PRDM5: variants seen among roughly 807,000 people sequenced by gnomAD.
The protein encoded by PRDM5 is PR/SET domain 5.
PRDM5 carries 56 observed loss-of-function variants against 81.2 expected under a neutral mutation model. The observed-to-expected ratio is 0.69, with a 90% CI of 0.56 to 0.86. The LOEUF (loss-of-function observed/expected upper bound fraction) is 0.86. PRDM5 is among the 40% of genes least tolerant of loss of function. The pLI is 0.00. For synonymous variants in PRDM5, 267 were observed against 256.4 expected (o/e 1.04, Z -0.39); for missense variants, 697 against 770.1 (o/e 0.91, Z 1.12).
At chr4:120,798,144 T>A (rs2149282449) in intron 10 of PRDM5, 123 bp downstream of exon 10, 1 of 636,886 alleles carries the variant, frequency 1.6e-6, no homozygotes, top group East Asian at 3.1e-5. Flanking sequence ...AGGTGAGTGA[T>A]CTTCTCTAGT....
At position 120,799,041 on chromosome 4, in the gene PRDM5, A is replaced by G. The variant is rs540031951; in HGVS notation, c.1031-617T>C. ...CATATTCAAAAACATTCTGACTTCA[A>G]TCGCCTCAAATTACAGATATCTTAA... On this transcript the variant is annotated intron_variant, in intron 9 of 15. Transcript: ENST00000264808. Among the ~76,000 whole-genome samples the G allele has an allele frequency of 2.6e-5, 4 of 152,348 alleles. No homozygotes were observed. In the East Asian group the frequency reaches 7.7e-4, roughly 29 times the overall value.
intron 14 of PRDM5, among the ~76,000 whole-genome samples, chr4:120,750,087 T>A (rs1390999794): frequency 1.3e-5 from 2 of 152,096 alleles, no homozygotes; most frequent in Non-Finnish European, 2.9e-5. Flanking sequence ...GTGGCTAATA[T>A]GACTGAAAAA....
At chr4:120,801,011 T>A (rs577994796) in intron 8 of PRDM5, among the ~76,000 whole-genome samples, 1 of 152,310 alleles carries the variant, frequency 6.6e-6, no homozygotes, top group South Asian at 2.1e-4. Context: ...ATGTATTCAA[T>A]TCTAAAAGAA....
intron 3 of PRDM5, among the ~76,000 whole-genome samples, chr4:120,835,956 A>T (rs542448119): frequency 7.0e-4 from 106 of 152,282 alleles, no homozygotes; most frequent in African/African-American, 2.3e-3. Flanking sequence ...AAAAGCATCA[A>T]GTGGCTTCAT....
chr4:120,734,087 T>C (rs1489959023), intron 14 of PRDM5, among the ~76,000 whole-genome samples: 1 of 151,914 alleles, frequency 6.6e-6, no homozygotes, highest in Non-Finnish European at 1.5e-5. Flanking sequence ...GGACACATGG[T>C]CCAAACTGGC....
chr4:120,758,908 A>G (rs1237964040), intron 13 of PRDM5, among the ~76,000 whole-genome samples: 1 of 151,964 alleles, frequency 6.6e-6, no homozygotes, highest in Non-Finnish European at 1.5e-5. Context: ...GGTGCCCGCC[A>G]CCACGCCTGG....
rs371190664 is a variant in PRDM5, at chr4:120,821,092, C to T, written c.475+79G>A. 3.3e-4 allele frequency: 490 copies of T among 1,486,540 alleles called. 7 individuals are homozygous for T. The South Asian group carries it at 5.1e-3, about 15-fold the overall frequency. 92.1% of individuals were successfully genotyped at this position (1,486,540 alleles called of 1,614,324 possible). The stretch of plus-strand genomic sequence containing the variant: ...TTGAGAATGCCATATTACAAGGCAA[C>T]TATAATTCAACCACAGTTTAAACTA... On this transcript the variant is annotated intron_variant, in intron 4 of 15. Coordinates refer to ENST00000264808, the MANE Select transcript of PRDM5 (RefSeq NM_018699.4).
chr4:120,773,478 A>G (rs909270263), intron 13 of PRDM5, among the ~76,000 whole-genome samples: 15 of 152,190 alleles, frequency 9.9e-5, no homozygotes, highest in African/African-American at 3.6e-4. Context: ...AACATAAAAG[A>G]TCTGCATAAC....
chr4:120,906,119 G>A (rs949967844), intron 2 of PRDM5, among the ~76,000 whole-genome samples: 1 of 151,954 alleles, frequency 6.6e-6, no homozygotes, highest in Non-Finnish European at 1.5e-5. Flanking sequence ...CTACAGGCAC[G>A]TACCACAAGG....
At chr4:120,719,667 A>C (rs1343199652) in intron 14 of PRDM5, among the ~76,000 whole-genome samples, 1 of 152,214 alleles carries the variant, frequency 6.6e-6, no homozygotes, top group African/African-American at 2.4e-5. Flanking sequence ...TTTACATATA[A>C]AAATTCAAGT....
At chr4:120,772,476 T>G (rs1747437410) in intron 13 of PRDM5, among the ~76,000 whole-genome samples, 1 of 152,192 alleles carries the variant, frequency 6.6e-6, no homozygotes, top group African/African-American at 2.4e-5. Context: ...ATCAACTGAC[T>G]TTTGCAGCAA....
chr4:120,704,792 T>G (rs1735874012), intron 15 of PRDM5, among the ~76,000 whole-genome samples: 1 of 152,106 alleles, frequency 6.6e-6, no homozygotes, highest in Non-Finnish European at 1.5e-5. Flanking sequence ...TCTGGAAGGA[T>G]GCATCGCGGT....
intron 3 of PRDM5, among the ~76,000 whole-genome samples, chr4:120,832,143 C>T (rs997054482): frequency 1.3e-5 from 2 of 152,092 alleles, no homozygotes; most frequent in African/African-American, 4.8e-5. Context: ...ATACCTGAGA[C>T]TAGGATATTT....
At position 120,811,469 on chromosome 4, in the gene PRDM5, C is replaced by A. The variant is rs1440489136; in HGVS notation, c.866-20G>T. On this transcript the variant is annotated intron_variant, in intron 7 of 15. Coordinates refer to ENST00000264808, the MANE Select transcript of PRDM5 (RefSeq NM_018699.4). ...GATCTCCTAAAATAGAAATAAAATA[C>A]CATGATGATTTAAATGAGACTATTA... is the stretch of plus-strand genomic sequence containing the variant. 3 of 1,456,916 alleles carry A rather than the reference C, an allele frequency of 2.1e-6. No individual in the cohort carries two copies. The highest frequency in any genetic ancestry group is 2.3e-5 in the East Asian group (1 of 43,664). 90.2% of individuals were successfully genotyped at this position (1,456,916 alleles called of 1,614,324 possible).
chr4:120,794,110 CATA>C (rs1015990948), intron 10 of PRDM5, among the ~76,000 whole-genome samples: 3 of 152,166 alleles, frequency 2.0e-5, no homozygotes, highest in African/African-American at 7.2e-5. Context: ...GCATGTCCCT[CATA>C]ATGTGTGCAG....
In PRDM5 at chr4:120,692,238, G is replaced by C. The variant is rs1734100702; in HGVS notation, c.*2873C>G. 1 of 152,056 alleles carries C rather than the reference G, an allele frequency of 6.6e-6. No individual in the cohort carries two copies. Among genetic ancestry groups the C allele is most frequent in the African/African-American group, 2.4e-5 (1 of 41,428 alleles). The allele number at this position is 152,056 out of a possible 1,614,324, so 9.4% of individuals were successfully genotyped here. ...TCTAAAACAGAAACTAAGGCTGTAA[G>C]ACCTTCTGTAATACATGTTCACACT... On this transcript the variant is annotated 3_prime_UTR_variant, in exon 16 of 16. Transcript: ENST00000264808.
chr4:120,735,459 G>A (rs1022728011), intron 14 of PRDM5, among the ~76,000 whole-genome samples: 1 of 152,080 alleles, frequency 6.6e-6, no homozygotes. Context: ...CAGTCCCTGA[G>A]AGTTATGTGA....
chr4:120,840,382 T>A (rs537238990), intron 3 of PRDM5, among the ~76,000 whole-genome samples: 60 of 151,930 alleles, frequency 3.9e-4, no homozygotes, highest in African/African-American at 1.4e-3. Context: ...GTTGGGAATG[T>A]CAGGCTTGGC....
intron 10 of PRDM5, among the ~76,000 whole-genome samples, chr4:120,788,978 T>C (rs1038231964): frequency 2.0e-5 from 3 of 152,244 alleles, no homozygotes; most frequent in Non-Finnish European, 4.4e-5. Context: ...AAGTATCAGA[T>C]GAAATCAAGC....
Sources: gnomAD v4.1 joint callset for allele counts (sites outside exome capture counted in the v4.1 genomes callset) on GRCh38, gnomAD v4.1.1 for gene constraint, MANE v1.5 for transcripts, NCBI Gene and HGNC (gene_info 2026-07-23, HGNC 2026-07-21) for gene names.